The following NAT10 variants were observed in gnomAD, a reference collection of about 807,000 sequenced individuals.
NAT10 encodes the protein RNA cytidine acetyltransferase.
In NAT10, 109 loss-of-function variants were observed where a neutral mutation model predicts 132.2. The ratio of observed to expected loss-of-function variants is 0.82; its 90% CI spans 0.71 to 0.97. The LOEUF (loss-of-function observed/expected upper bound fraction) is 0.97. Among genes scored for constraint, NAT10 ranks in the 50% least tolerant of loss-of-function variants. The pLI is 0.00. For synonymous variants in NAT10, 479 were observed against 478.0 expected (o/e 1.00, Z -0.03); for missense variants, 1,184 against 1,263.4 (o/e 0.94, Z 0.95).
At chr11:34,116,869 G>A (rs1851792362) in intron 6 of NAT10, among the ~76,000 whole-genome samples, 1 of 151,836 alleles carries the variant, frequency 6.6e-6, no homozygotes, top group African/African-American at 2.4e-5. Context: ...TGCTAGGATT[G>A]CATGTATGAG....
At position 34,141,321 on chromosome 11, in the gene NAT10, T is replaced by TCACACACA. The variant is rs66674391; in HGVS notation, c.2712+132_2712+139dup. On this transcript the variant is annotated intron_variant, in intron 25 of 28. Coordinates refer to ENST00000257829, the MANE Select transcript of NAT10 (RefSeq NM_024662.3). ...ATTTAGCTGTGTTTGCTGCATCTCG[T>TCACACACA]CACACACACACACACACACACACAC... 35 of 1,212,110 alleles carry TCACACACA rather than the reference T, an allele frequency of 2.9e-5. No individual in the cohort carries two copies. The African/African-American group carries it at 4.6e-4, about 16-fold the overall frequency. The allele number at this position is 1,212,110 out of a possible 1,614,324, so 75.1% of individuals were successfully genotyped here.
intron 12 of NAT10, among the ~76,000 whole-genome samples, chr11:34,128,150 T>C (rs1852033580): frequency 6.6e-6 from 1 of 151,990 alleles, no homozygotes; most frequent in South Asian, 2.1e-4. Flanking sequence ...GGTCAGGAGT[T>C]CGAGACCAGC....
At chr11:34,110,644 A>T (rs1055352404) in intron 3 of NAT10, among the ~76,000 whole-genome samples, 1 of 100,238 alleles carries the variant, frequency 1.0e-5, no homozygotes, top group Non-Finnish European at 2.0e-5. Context: ...TTGTATTTTC[A>T]TACTTTTAAC....
At chr11:34,136,929 A>T in intron 20 of NAT10, 49 bp from the exon 21 acceptor site, 1 of 1,612,430 alleles carries the variant, frequency 6.2e-7, no homozygotes, top group Non-Finnish European at 8.5e-7. Flanking sequence ...TCTATCAGCC[A>T]CTCCCCAGAG....
chr11:34,124,517 C>A, intron 11 of NAT10, 117 bp downstream of exon 11: 1 of 669,198 alleles, frequency 1.5e-6, no homozygotes, highest in South Asian at 2.3e-5. Flanking sequence ...GTCTTTTAGA[C>A]AATGGTGGTG....
intron 11 of NAT10, among the ~76,000 whole-genome samples, chr11:34,125,534 A>C (rs925510231): frequency 1.3e-5 from 2 of 152,194 alleles, no homozygotes; most frequent in African/African-American, 4.8e-5. Context: ...GAAAAAGAAG[A>C]ATATTAGATA....
chr11:34,135,350 T>G (rs1852189602), intron 19 of NAT10, 59 bp downstream of exon 19: 1 of 1,440,112 alleles, frequency 6.9e-7, no homozygotes, highest in East Asian at 2.3e-5. Flanking sequence ...ATTCTCTGGG[T>G]TTTTAGGGGC....
chr11:34,131,876 G>C (rs1330355647), intron 14 of NAT10, among the ~76,000 whole-genome samples: 3 of 151,942 alleles, frequency 2.0e-5, no homozygotes, highest in African/African-American at 7.3e-5. Context: ...AGTAGAGACA[G>C]GGTTTCACCA....
At chr11:34,107,190 T>C (rs910472995) in intron 1 of NAT10, 3 of 152,234 alleles carry the variant, frequency 2.0e-5, no homozygotes, top group Non-Finnish European at 2.9e-5. Flanking sequence ...CGGCTAAGTT[T>C]TGTATTTTTA....
rs1442174982 is a variant in NAT10 at position 34,108,206 on chromosome 11, T to C, written c.-15-5T>C. The C allele has an allele frequency of 6.3e-7, 1 of 1,593,540 alleles. No individual in the cohort carries two copies. On this transcript the variant is annotated splice_region_variant and splice_polypyrimidine_tract_variant and intron_variant, in intron 1 of 28. Coordinates refer to ENST00000257829, the MANE Select transcript of NAT10 (RefSeq NM_024662.3). ...CATGGCCAGTTGTATTTCTTTCTCTTTTAGTAATAATTTTTCACCATGCAT... is the reference window on the plus strand; with the variant it reads ...CATGGCCAGTTGTATTTCTTTCTCTCTTAGTAATAATTTTTCACCATGCAT...
intron 4 of NAT10, among the ~76,000 whole-genome samples, chr11:34,113,339 A>T (rs1033271235): frequency 6.6e-6 from 1 of 152,094 alleles, no homozygotes; most frequent in African/African-American, 2.4e-5. Flanking sequence ...CTCTAATAAG[A>T]GACCCGTTTT....
rs1365312882 is a variant in NAT10, at chr11:34,124,332, C to G, written c.1039C>G (p.Leu347Val). The G allele has an allele frequency of 6.2e-7, 1 of 1,613,930 alleles. No homozygotes were observed. Among genetic ancestry groups the G allele is most frequent in the African/African-American group, 1.3e-5 (1 of 75,034 alleles). Residue 347 changes from leucine to valine, a missense_variant, in exon 11 of 29, where the codon CTA (leucine) becomes GTA (valine). Transcript: ENST00000257829. Reference sequence around the variant, plus strand: ...TCTGGATTATGAGATTATCCAGTCTCTAAATCCTGAATTTAACAAAGCAGT... The same window carrying G: ...TCTGGATTATGAGATTATCCAGTCTGTAAATCCTGAATTTAACAAAGCAGT... Reference protein sequence around the residue: ...EHLDYEIIQSLNPEFNKAVIR... With the variant: ...EHLDYEIIQSVNPEFNKAVIR...
At position 34,110,559 on chromosome 11, in the gene NAT10, C is replaced by CTTTT. The variant is rs948109196; in HGVS notation, c.201-1471_201-1468dup. ...CTTACGTTCATTTTTTTTTCTTTCC[C>CTTTT]TTTTTTTTTTTTTTTTTTTTTTTTT... On this transcript the variant is annotated intron_variant, in intron 3 of 28. Coordinates refer to ENST00000257829, the MANE Select transcript of NAT10 (RefSeq NM_024662.3). 3.3e-3 allele frequency among the ~76,000 whole-genome samples: 340 copies of CTTTT among 101,690 alleles called. 8 individuals are homozygous for CTTTT. The highest frequency in any genetic ancestry group is 0.011 in the African/African-American group (254 of 22,306). The allele number at this position is 101,690 out of a possible 152,430, so 66.7% of individuals were successfully genotyped here. A position where few individuals can be genotyped will look rare whatever the true frequency, so the allele number is the denominator to read the frequency against.
intron 5 of NAT10, 121 bp from the exon 6 acceptor site, chr11:34,115,701 TG>T (rs1170938407): frequency 6.0e-6 from 5 of 827,346 alleles, no homozygotes; most frequent in Admixed American, 2.2e-5. Flanking sequence ...GCAGTGTGTG[TG>T]GGAGTGATTT....
intron 16 of NAT10, 148 bp from the exon 17 acceptor site, chr11:34,134,171 C>T (rs144781236): frequency 3.1e-5 from 21 of 668,096 alleles, no homozygotes; most frequent in South Asian, 5.2e-5. Flanking sequence ...CTCAAAAGAG[C>T]GGGGGGAATG....
intron 14 of NAT10, 27 bp downstream of exon 14, chr11:34,131,558 C>T (rs1190177153): frequency 1.3e-6 from 2 of 1,594,010 alleles, no homozygotes; most frequent in Non-Finnish European, 1.7e-6. Flanking sequence ...TTCACTGGCC[C>T]TGTGAAAAGG....
chr11:34,120,143 G>T (rs1419340969), intron 8 of NAT10, among the ~76,000 whole-genome samples: 22 of 94,120 alleles, frequency 2.3e-4, no homozygotes, highest in Admixed American at 5.5e-4. Flanking sequence ...GTTGCTGTTG[G>T]TTTTTTTTTT....
Position 34,141,710 on chromosome 11 carries a change from C to T in NAT10, c.2713-9C>T, listed in dbSNP as rs376869384. The T allele has an allele frequency of 9.9e-6, 16 of 1,613,504 alleles. No individual in the cohort carries two copies. The African/African-American group carries it at 2.1e-4, about 22-fold the overall frequency. ...CATCTTCTGCTTCTCTGTTGGTTGT[C>T]TTTTGTAGCTATTTAATGAAGTTCA... is the stretch of plus-strand genomic sequence containing the variant. On this transcript the variant is annotated splice_polypyrimidine_tract_variant and intron_variant, in intron 25 of 28. Transcript: ENST00000257829.
chr11:34,133,293 G>T, intron 16 of NAT10, 151 bp downstream of exon 16: 2 of 644,820 alleles, frequency 3.1e-6, no homozygotes, highest in Non-Finnish European at 5.5e-6. Context: ...CAGGTGACTA[G>T]GGTGCACTGG....
Sources: gnomAD v4.1 joint callset for allele counts (sites outside exome capture counted in the v4.1 genomes callset) on GRCh38, gnomAD v4.1.1 for gene constraint, MANE v1.5 for transcripts, NCBI Gene and HGNC (gene_info 2026-07-23, HGNC 2026-07-21) for gene names.